LTBP2: variants seen among roughly 807,000 people sequenced by gnomAD.
LTBP2 encodes the protein latent-transforming growth factor beta-binding protein 2.
In LTBP2, 103 loss-of-function variants were observed where a neutral mutation model predicts 210.6. The ratio of observed to expected loss-of-function variants is 0.49; its 90% CI spans 0.42 to 0.58. The LOEUF (loss-of-function observed/expected upper bound fraction) is 0.58, where lower values mean the gene tolerates loss of function less well. LTBP2 is among the 20% of genes least tolerant of loss of function. LTBP2 has a pLI of 0.00. For synonymous variants in LTBP2, 1,007 were observed against 1,015.0 expected, an observed-to-expected ratio of 0.99 and a Z score of 0.15; for missense variants, 2,313 against 2,494.5, an observed-to-expected ratio of 0.93 and a Z score of 1.55.
chr14:74,541,980 G>A (rs1186578407), intron 8 of LTBP2, among the ~76,000 whole-genome samples: 2 of 152,160 alleles, frequency 1.3e-5, no homozygotes, highest in East Asian at 3.9e-4. Context: ...TGAGACCTGG[G>A]GAGAGAGAGT....
chr14:74,596,384 C>G (rs2088364720), intron 2 of LTBP2, among the ~76,000 whole-genome samples: 1 of 152,162 alleles, frequency 6.6e-6, no homozygotes, highest in African/African-American at 2.4e-5. Context: ...GTGGCCAGGG[C>G]AGCCCCTCTG....
At chr14:74,536,248 C>T (rs763758669) in intron 8 of LTBP2, among the ~76,000 whole-genome samples, 4 of 152,198 alleles carry the variant, frequency 2.6e-5, no homozygotes, top group Non-Finnish European at 5.9e-5. Context: ...ATCACATGAT[C>T]TCACTTACAT....
At position 74,603,619 on chromosome 14, in the gene LTBP2, TG is replaced by T. The variant is rs2088480174; in HGVS notation, c.565+15del. 1 of 1,613,610 alleles carries T rather than the reference TG, an allele frequency of 6.2e-7. No homozygotes were observed. ...TTTGATAGAGCGGAGTGTCTGCTACTGGTGGAGGCACTCACGTTTGATACAG... is the reference window on the plus strand; with the variant it reads ...TTTGATAGAGCGGAGTGTCTGCTACTGTGGAGGCACTCACGTTTGATACAG... On this transcript the variant is annotated intron_variant, in intron 2 of 35. Transcript: ENST00000261978.
At chr14:74,503,815 C>G (rs1043505931) in intron 31 of LTBP2, 111 bp downstream of exon 31, 147 of 1,507,150 alleles carry the variant, frequency 9.8e-5, no homozygotes, top group Non-Finnish European at 1.3e-4. Context: ...AGTGGGCGGC[C>G]TCCCTAGGAA....
chr14:74,502,261 A>C (rs2086918698), intron 34 of LTBP2, among the ~76,000 whole-genome samples: 1 of 152,128 alleles, frequency 6.6e-6, no homozygotes, highest in Non-Finnish European at 1.5e-5. Flanking sequence ...AGTCCTTAGA[A>C]AACCTTAATC....
intron 3 of LTBP2, among the ~76,000 whole-genome samples, chr14:74,560,239 A>G (rs897154536): frequency 2.0e-5 from 3 of 152,336 alleles, no homozygotes; most frequent in South Asian, 4.1e-4. Context: ...AGAGCCAAAA[A>G]AGAAACGTTT....
chr14:74,548,404 TGGAGAGGAAGG>T (rs2087605338), intron 8 of LTBP2, among the ~76,000 whole-genome samples: 2 of 152,066 alleles, frequency 1.3e-5, no homozygotes, highest in African/African-American at 4.8e-5. Context: ...ATTGTAAGCT[TGGAGAGGAAGG>T]TGCGGTTTTT....
In LTBP2 at chr14:74,606,820, C is replaced by T. The variant is rs545088951; in HGVS notation, c.495-3115G>A. Among the ~76,000 whole-genome samples the T allele has an allele frequency of 9.3e-5, 14 of 151,318 alleles. No individual in the cohort carries two copies. In the South Asian group the frequency reaches 1.7e-3, roughly 18 times the overall value. ...ATTGTGCCACTGCACTACAGTTTGG[C>T]GACAGAGCAAGACTCCATCTCAAAA... On this transcript the variant is annotated intron_variant, in intron 1 of 35. Transcript: ENST00000261978.
Position 74,522,840 on chromosome 14 carries a change from C to T in LTBP2, c.2609G>A (p.Cys870Tyr), listed in dbSNP as rs1386548667. 2 of 1,612,678 alleles carry T rather than the reference C, an allele frequency of 1.2e-6. No individual in the cohort carries two copies. The highest frequency in any genetic ancestry group is 3.3e-5 in the Admixed American group (2 of 59,882). ...TCVNLPDGYR[C>Y]VCSPGYQLHP... ...CAGCTGGTAGCCAGGGCTGCAGACA[C>T]ATCTGTATCCATCGGGGAGGTTCAC... Residue 870 changes from cysteine (C) to tyrosine (Y), a missense_variant, in exon 16 of 36, where the codon TGT becomes TAT. Cys to Tyr is a radical substitution (Grantham distance 194). Transcript: ENST00000261978.
At chr14:74,509,165 C>T in intron 22 of LTBP2, 73 bp downstream of exon 22, 3 of 1,605,564 alleles carry the variant, frequency 1.9e-6, no homozygotes, top group African/African-American at 2.7e-5. Flanking sequence ...CAGCCCCCCA[C>T]CTGCTGGGCT....
intron 7 of LTBP2, among the ~76,000 whole-genome samples, chr14:74,550,403 C>T (rs1432252053): frequency 6.6e-6 from 1 of 152,180 alleles, no homozygotes; most frequent in East Asian, 1.9e-4. Context: ...GGGTGTTTAC[C>T]CCTTGGCTGT....
At position 74,532,283 on chromosome 14, in the gene LTBP2, C is replaced by T. The variant is rs367629037; in HGVS notation, c.1987+143G>A. 75 of 1,137,300 alleles carry T rather than the reference C, an allele frequency of 6.6e-5. 3 individuals are homozygous for T. The South Asian group carries it at 9.2e-4, about 14-fold the overall frequency. The allele number at this position is 1,137,300 out of a possible 1,614,324, so 70.5% of individuals were successfully genotyped here. On this transcript the variant is annotated intron_variant, in intron 10 of 35. Transcript: ENST00000261978. ...CAGGTTTTTCACATTGGGCCCAACT[C>T]CAGGTTGAATAGCCGACACAGGCCC...
In LTBP2 at chr14:74,506,898, C is replaced by T. The variant is rs1285376964; in HGVS notation, c.3908-75G>A. ...GTGTGTGCGCGCGCGCGTGTGTGCT[C>T]ACTCTCTCACACGCATGCACACTCT... On this transcript the variant is annotated intron_variant, in intron 26 of 35. Coordinates refer to ENST00000261978, the MANE Select transcript of LTBP2 (RefSeq NM_000428.3). 6 of 1,573,790 alleles carry T rather than the reference C, an allele frequency of 3.8e-6. No individual in the cohort carries two copies. The South Asian group carries it at 5.7e-5, about 15-fold the overall frequency.
At position 74,517,049 on chromosome 14, in the gene LTBP2, C is replaced by T. The variant is rs115911457; in HGVS notation, c.2789-108G>A. ...GAGGCCAAGGACAAAGGATGCCATGCTGAGGCCTGGGCAGGGAAGGCATGC... is the reference window on the plus strand; with the variant it reads ...GAGGCCAAGGACAAAGGATGCCATGTTGAGGCCTGGGCAGGGAAGGCATGC... On this transcript the variant is annotated intron_variant, in intron 17 of 35. Coordinates refer to ENST00000261978, the MANE Select transcript of LTBP2 (RefSeq NM_000428.3). 615 of 1,426,178 alleles carry T rather than the reference C, an allele frequency of 4.3e-4. No individual in the cohort carries two copies. The African/African-American group carries it at 8.0e-3, about 19-fold the overall frequency. The allele number at this position is 1,426,178 out of a possible 1,614,324, so 88.3% of individuals were successfully genotyped here.
At chr14:74,520,225 A>G (rs2087183944) in intron 17 of LTBP2, among the ~76,000 whole-genome samples, 1 of 152,156 alleles carries the variant, frequency 6.6e-6, no homozygotes. Flanking sequence ...TGCTCCCTCA[A>G]TTCCTATTCA....
chr14:74,551,033 TCCAGGGCTGAGG>T lies in LTBP2; in HGVS notation c.1686+19_1686+30del. The T allele has an allele frequency of 6.2e-7, 1 of 1,613,162 alleles. No homozygotes were observed. Among genetic ancestry groups the T allele is most frequent in the South Asian group, 1.1e-5 (1 of 91,048 alleles). On this transcript the variant is annotated intron_variant, in intron 7 of 35. Coordinates refer to ENST00000261978, the MANE Select transcript of LTBP2 (RefSeq NM_000428.3). ...GGGGACAACTGCCATCCTGGAAGCA[TCCAGGGCTGAGG>T]CCAGAGCTGTGTTCTCACCTGTCCG... is the stretch of plus-strand genomic sequence containing the variant.
At chr14:74,537,390 A>G (rs1032605113) in intron 8 of LTBP2, among the ~76,000 whole-genome samples, 1 of 152,212 alleles carries the variant, frequency 6.6e-6, no homozygotes, top group African/African-American at 2.4e-5. Context: ...ATAGCCAGCA[A>G]TTCTAAGCAG....
chr14:74,529,032 T>C lies in LTBP2; in HGVS notation c.2078A>G (p.Lys693Arg), dbSNP rs2087315754. 1 of 1,590,770 alleles carries C rather than the reference T, an allele frequency of 6.3e-7. No individual in the cohort carries two copies. Among genetic ancestry groups the C allele is most frequent in the East Asian group, 2.3e-5 (1 of 43,844 alleles). Residue 693 changes from lysine to arginine, a missense_variant, in exon 11 of 36, where the codon AAG becomes AGG. Physicochemically the swap from Lys to Arg is conservative, Grantham distance 26. Transcript: ENST00000261978. ...CACGCGGCTGCAGCAGCATATCTGC[T>C]TGGTGATCCGCTGGGCCAAAGGCAG... ...CTLPLAQRIT[K>R]QICCCSRVGK...
At chr14:74,540,191 G>T (rs986498042) in intron 8 of LTBP2, among the ~76,000 whole-genome samples, 12 of 152,086 alleles carry the variant, frequency 7.9e-5, no homozygotes, top group African/African-American at 2.9e-4. Context: ...ATCAGGTTAA[G>T]GCCGGGCATG....
Sources: allele counts gnomAD v4.1 joint callset (sites outside exome capture counted in the v4.1 genomes callset), GRCh38; gene constraint gnomAD v4.1.1; transcripts MANE v1.5; gene names NCBI Gene and HGNC (gene_info 2026-07-23, HGNC 2026-07-21).